The following ASAP1 variants were observed in gnomAD, a reference collection of about 807,000 sequenced individuals.
The protein encoded by ASAP1 is ArfGAP with SH3 domain, ankyrin repeat and PH domain 1, also known as arf-GAP with SH3 domain, ANK repeat and PH domain-containing protein 1.
Under a neutral mutation model 145.2 loss-of-function variants are expected in ASAP1, and 43 were observed. That is an observed-to-expected ratio of 0.30 (90% CI 0.23 to 0.38). The LOEUF (loss-of-function observed/expected upper bound fraction) is 0.38. Among genes scored for constraint, ASAP1 ranks in the 10% least tolerant of loss-of-function variants. The probability of loss-of-function intolerance (pLI) is 1.00; values close to 1 mark genes in which losing one functional copy is unlikely to be tolerated. For missense variants in ASAP1, 1,018 were observed against 1,355.3 expected, an observed-to-expected ratio of 0.75 and a Z score of 3.91; for synonymous variants, 546 against 515.5, an observed-to-expected ratio of 1.06 and a Z score of -0.80.
chr8:130,310,012 C>T (rs750345885), intron 3 of ASAP1, among the ~76,000 whole-genome samples: 18 of 152,110 alleles, frequency 1.2e-4, no homozygotes, highest in South Asian at 2.1e-4. Context: ...ATATCCCAAT[C>T]GTCCAGTTTC....
intron 4 of ASAP1, among the ~76,000 whole-genome samples, chr8:130,234,464 G>A (rs1818094703): frequency 6.6e-6 from 1 of 152,096 alleles, no homozygotes; most frequent in African/African-American, 2.4e-5. Context: ...GGAGGAGGCT[G>A]CACCCAAACT....
rs71572317 is a variant in ASAP1 at position 130,093,666 on chromosome 8, CAAAA to C, written c.2402-1527_2402-1524del. On this transcript the variant is annotated intron_variant, in intron 24 of 29. Transcript: ENST00000518721. Reference sequence around the variant, plus strand: ...TGGCTGTCACAGCGAGACTCCGTCTCAAAAAAAAAAAAAAAAAAAAAAAGAAAGC... The same window carrying C: ...TGGCTGTCACAGCGAGACTCCGTCTCAAAAAAAAAAAAAAAAAAAGAAAGC... 1.7e-4 allele frequency among the ~76,000 whole-genome samples: 9 copies of C among 52,200 alleles called. 1 individual carries two copies. Among genetic ancestry groups the C allele is most frequent in the African/African-American group, 5.2e-4 (7 of 13,570 alleles). 34.2% of individuals were successfully genotyped at this position (52,200 alleles called of 152,430 possible).
At chr8:130,353,940 G>A (rs1826152421) in intron 3 of ASAP1, among the ~76,000 whole-genome samples, 1 of 152,012 alleles carries the variant, frequency 6.6e-6, no homozygotes. Context: ...AGGCTGGAGT[G>A]CAGTGGCGTG....
In ASAP1 at chr8:130,358,534, T is replaced by C. The variant is rs1397406866; in HGVS notation, c.60-391A>G. On this transcript the variant is annotated intron_variant, in intron 2 of 29. Transcript: ENST00000518721. The surrounding 1 kb of genome is among the most constrained non-coding windows in gnomAD (Gnocchi z 4.1). Reference sequence around the variant, plus strand: ...CTGGGGCGTGCGCGGGCTGGGCGGCTGGGGCGCCCGGCGCTGCCTCCTCAG... The same window carrying C: ...CTGGGGCGTGCGCGGGCTGGGCGGCCGGGGCGCCCGGCGCTGCCTCCTCAG... 6.8e-6 allele frequency among the ~76,000 whole-genome samples: 1 copy of C among 146,190 alleles called. No homozygotes were observed. Among genetic ancestry groups the C allele is most frequent in the African/African-American group, 2.5e-5 (1 of 40,342 alleles).
At chr8:130,126,603 T>C (rs777657613) in intron 16 of ASAP1, among the ~76,000 whole-genome samples, 1 of 152,158 alleles carries the variant, frequency 6.6e-6, no homozygotes, top group Non-Finnish European at 1.5e-5. Flanking sequence ...CAACCTCCAA[T>C]GGCCCTAGAA....
At chr8:130,245,121 T>C (rs1818770283) in intron 3 of ASAP1, among the ~76,000 whole-genome samples, 1 of 152,134 alleles carries the variant, frequency 6.6e-6, no homozygotes, top group African/African-American at 2.4e-5. Flanking sequence ...GTAAAGATGT[T>C]ATCATGTTAG....
At chr8:130,286,100 A>T (rs1821594187) in intron 3 of ASAP1, among the ~76,000 whole-genome samples, 1 of 152,174 alleles carries the variant, frequency 6.6e-6, no homozygotes, top group African/African-American at 2.4e-5. Context: ...TGCCAGGCAG[A>T]ATTATTTGCT....
At chr8:130,155,633 C>T (rs543926835) in intron 12 of ASAP1, among the ~76,000 whole-genome samples, 1 of 152,218 alleles carries the variant, frequency 6.6e-6, no homozygotes, top group Non-Finnish European at 1.5e-5. Flanking sequence ...AGGCATGAGC[C>T]ACTGCGCCCA....
At chr8:130,363,128 G>A (rs1826795037) in intron 2 of ASAP1, among the ~76,000 whole-genome samples, 1 of 152,208 alleles carries the variant, frequency 6.6e-6, no homozygotes, top group Non-Finnish European at 1.5e-5. Flanking sequence ...AGAATTCAAC[G>A]AGCTAAGGTA....
chr8:130,204,686 C>A (rs1195678054), intron 5 of ASAP1, among the ~76,000 whole-genome samples: 1 of 152,194 alleles, frequency 6.6e-6, no homozygotes, highest in Admixed American at 6.5e-5. Context: ...TCTCTCTCTT[C>A]CCCTGTAGAG....
At chr8:130,406,749 C>T (rs775194875) in intron 1 of ASAP1, among the ~76,000 whole-genome samples, 9 of 152,150 alleles carry the variant, frequency 5.9e-5, no homozygotes, top group Non-Finnish European at 1.2e-4. Context: ...TCTCAAAGTG[C>T]TGGGGTTACA....
intron 1 of ASAP1, among the ~76,000 whole-genome samples, chr8:130,431,406 T>C (rs1830129922): frequency 6.6e-6 from 1 of 152,144 alleles, no homozygotes; most frequent in Non-Finnish European, 1.5e-5. Context: ...CCTCAACACA[T>C]CCTACCTCAA....
intron 3 of ASAP1, among the ~76,000 whole-genome samples, chr8:130,311,731 A>T (rs1004517197): frequency 7.5e-5 from 11 of 147,550 alleles, no homozygotes; most frequent in Non-Finnish European, 1.5e-4. Flanking sequence ...ACTGCACTCC[A>T]GCCTGGGCAA....
intron 2 of ASAP1, chr8:130,360,734 G>C (rs1474503266): frequency 6.6e-6 from 1 of 152,268 alleles, no homozygotes; most frequent in African/African-American, 2.4e-5. Flanking sequence ...GACACACCAA[G>C]TTTGAAGTTC....
intron 23 of ASAP1, among the ~76,000 whole-genome samples, chr8:130,113,275 T>C (rs541192540): frequency 6.6e-6 from 1 of 152,260 alleles, no homozygotes; most frequent in East Asian, 1.9e-4. Flanking sequence ...ACAGTGCTTC[T>C]CTCCATTCCT....
chr8:130,385,294 C>T (rs1586949949), intron 2 of ASAP1, among the ~76,000 whole-genome samples: 2 of 152,160 alleles, frequency 1.3e-5, no homozygotes, highest in South Asian at 2.1e-4. Flanking sequence ...GGTGAAACCC[C>T]GTCTCCACTA....
rs1554860216 is a variant in ASAP1 at position 130,256,757 on chromosome 8, A to ATATATATATCCT, written c.187-19764_187-19763insAGGATATATATA. On this transcript the variant is annotated intron_variant, in intron 3 of 29. Transcript: ENST00000518721. Reference sequence around the variant, plus strand: ...CACATTCTTATATATATATATATATATATATATATATATATATATATATAT... The same window carrying ATATATATATCCT: ...CACATTCTTATATATATATATATATATATATATATCCTTATATATATATATATATATATATAT... 6.4e-5 allele frequency among the ~76,000 whole-genome samples: 6 copies of ATATATATATCCT among 93,678 alleles called. 1 individual carries two copies. Among genetic ancestry groups the ATATATATATCCT allele is most frequent in the South Asian group, 5.0e-4 (1 of 2,010 alleles). The allele number at this position is 93,678 out of a possible 152,430, so 61.5% of individuals were successfully genotyped here. A position where few individuals can be genotyped will look rare whatever the true frequency, so the allele number is the denominator to read the frequency against.
intron 12 of ASAP1, among the ~76,000 whole-genome samples, chr8:130,155,132 A>G (rs1167909115): frequency 3.3e-5 from 5 of 152,216 alleles, no homozygotes; most frequent in Non-Finnish European, 5.9e-5. Context: ...GCCTCAGTTT[A>G]TCCATTTTAT....
rs147171955 is a variant in ASAP1 at position 130,402,112 on chromosome 8, G to A, written c.-27-142C>T. ...TCTTGCACCACAGAGTGGCTGTCCA[G>A]AAATATGAAGGAAACTACTATTTCA... On this transcript the variant is annotated intron_variant, in intron 1 of 29. Transcript: ENST00000518721. 1,116 of 563,316 alleles carry A rather than the reference G, an allele frequency of 2.0e-3. 14 individuals are homozygous for A. The highest frequency in any genetic ancestry group is 0.018 in the African/African-American group (965 of 53,084). The allele number at this position is 563,316 out of a possible 1,614,324, so 34.9% of individuals were successfully genotyped here.
Sources: gnomAD v4.1 joint callset for allele counts (sites outside exome capture counted in the v4.1 genomes callset) on GRCh38, gnomAD v4.1.1 for gene constraint, Gnocchi (gnomAD v3.1) non-coding constraint, MANE v1.5 for transcripts, NCBI Gene and HGNC (gene_info 2026-07-23, HGNC 2026-07-21) for gene names.